The following NCKAP5L variants were observed in gnomAD, a reference collection of about 807,000 sequenced individuals.
The protein encoded by NCKAP5L is nck-associated protein 5-like.
Under a neutral mutation model 103.2 loss-of-function variants are expected in NCKAP5L, and 54 were observed. That is an observed-to-expected ratio of 0.52 (90% CI 0.42 to 0.66). NCKAP5L has a LOEUF of 0.66. Ranked by LOEUF, NCKAP5L falls within the 30% of genes least tolerant of loss-of-function variation. The probability of loss-of-function intolerance (pLI) is 0.00; values close to 1 mark genes in which losing one functional copy is unlikely to be tolerated. For synonymous variants in NCKAP5L, 762 were observed against 748.6 expected (o/e 1.02, Z -0.29); for missense variants, 1,733 against 1,750.6 (o/e 0.99, Z 0.18).
intron 1 of NCKAP5L, among the ~76,000 whole-genome samples, chr12:49,808,960 G>C (rs546232184): frequency 2.0e-5 from 3 of 152,280 alleles, no homozygotes; most frequent in Admixed American, 2.0e-4. Flanking sequence ...TGATTCTGAG[G>C]GAGGTGACCT....
intron 1 of NCKAP5L, among the ~76,000 whole-genome samples, chr12:49,823,887 T>C (rs951926428): frequency 3.3e-5 from 5 of 152,134 alleles, no homozygotes; most frequent in Admixed American, 6.5e-5. Flanking sequence ...TGGTGATGCA[T>C]GATTAATCCA....
In NCKAP5L at chr12:49,794,936, G is replaced by T; in HGVS notation, c.2924C>A (p.Ala975Glu). ...SLNISKLMAK[A>E]EDLRRALEEE... is the part of the protein sequence containing the mutation. ...TTCCAGTGCCCGACGCAGGTCTTCC[G>T]CCTTGGCCATCAGCTTGGAGATGTT... is the stretch of plus-strand genomic sequence containing the variant. Residue 975 changes from alanine to glutamate, a missense_variant, in exon 8 of 13, where the codon GCG (alanine) becomes GAG (glutamate). By Grantham distance (107) the Ala-to-Glu change is moderately radical. Transcript: ENST00000335999. 6.4e-7 allele frequency: 1 copy of T among 1,570,688 alleles called. No homozygotes were observed. Among genetic ancestry groups the T allele is most frequent in the Non-Finnish European group, 8.6e-7 (1 of 1,159,138 alleles).
intron 1 of NCKAP5L, among the ~76,000 whole-genome samples, chr12:49,813,494 CT>C (rs1946263503): frequency 6.6e-6 from 1 of 151,978 alleles, no homozygotes; most frequent in Non-Finnish European, 1.5e-5. Flanking sequence ...GGGATTGTGT[CT>C]TTTTATTATC....
At position 49,792,559 on chromosome 12, in the gene NCKAP5L, G is replaced by A. The variant is rs769291749; in HGVS notation, c.3679C>T (p.Pro1227Ser). Reference protein sequence around the residue: ...DPCEDPGPTPPVQLAKNWTFP... With the variant: ...DPCEDPGPTPSVQLAKNWTFP... ...GTCCAGTTCTTGGCCAGCTGGACAG[G>A]AGGGGTGGGGCCTGGGTCTTCACAG... The change falls in exon 12 of 13, where the codon CCT becomes TCT. Residue 1227 changes from proline to serine, a missense_variant. Pro to Ser is a moderately conservative substitution (Grantham distance 74). Coordinates refer to ENST00000335999, the MANE Select transcript of NCKAP5L (RefSeq NM_001037806.4). The surrounding 1 kb of genome is among the most constrained non-coding windows in gnomAD (Gnocchi z 4.5). The A allele has an allele frequency of 1.9e-6, 3 of 1,613,932 alleles. No homozygotes were observed. The highest frequency in any genetic ancestry group is 2.5e-6 in the Non-Finnish European group (3 of 1,179,866).
At chr12:49,807,887 A>T (rs12315844) in intron 1 of NCKAP5L, among the ~76,000 whole-genome samples, 8,717 of 152,192 alleles carry the variant, frequency 0.057, 509 homozygotes, top group African/African-American at 0.15. Context: ...AAAAGTTGGG[A>T]GGGTGAGGGA....
intron 1 of NCKAP5L, among the ~76,000 whole-genome samples, chr12:49,811,255 ACT>A (rs1262290332): frequency 1.3e-5 from 2 of 152,102 alleles, no homozygotes; most frequent in African/African-American, 4.8e-5. Context: ...GCTCAGCCCC[ACT>A]GTCAGTCCAG....
At chr12:49,798,595 C>T in intron 6 of NCKAP5L, 132 bp from the exon 7 acceptor site, 1 of 749,888 alleles carries the variant, frequency 1.3e-6, no homozygotes, top group South Asian at 1.6e-5. Flanking sequence ...CCAAATGCAG[C>T]TCTTGCTGCT....
intron 1 of NCKAP5L, among the ~76,000 whole-genome samples, chr12:49,827,134 A>G (rs1946426354): frequency 6.6e-6 from 1 of 152,176 alleles, no homozygotes; most frequent in African/African-American, 2.4e-5. Context: ...CAACAAGGCA[A>G]ATGGGCTATG....
intron 7 of NCKAP5L, 128 bp downstream of exon 7, chr12:49,798,221 CT>C: frequency 1.2e-5 from 10 of 850,630 alleles, no homozygotes; most frequent in Middle Eastern, 2.2e-4. Context: ...TGGGGATCTG[CT>C]TTTTTTGGCA....
At chr12:49,820,277 C>T (rs1946346286) in intron 1 of NCKAP5L, among the ~76,000 whole-genome samples, 1 of 151,110 alleles carries the variant, frequency 6.6e-6, no homozygotes, top group South Asian at 2.1e-4. Context: ...ACCCTTCCAG[C>T]TCCTAGTGCC....
chr12:49,792,629 C>A lies in NCKAP5L; in HGVS notation c.3650-41G>T, dbSNP rs759257533. On this transcript the variant is annotated intron_variant, in intron 11 of 12. Transcript: ENST00000335999. The surrounding 1 kb of genome is among the most constrained non-coding windows in gnomAD (Gnocchi z 4.5). ...GGGAAGGTGGATGGAGCTGCCTGGG[C>A]AGCTCCAGGATGCCCAGGGGCATCC... 5 of 1,613,522 alleles carry A rather than the reference C, an allele frequency of 3.1e-6. No homozygotes were observed. Among genetic ancestry groups the A allele is most frequent in the Non-Finnish European group, 8.5e-7 (1 of 1,179,654 alleles).
intron 1 of NCKAP5L, among the ~76,000 whole-genome samples, chr12:49,808,133 C>T (rs1384737460): frequency 6.6e-6 from 1 of 152,212 alleles, no homozygotes; most frequent in Non-Finnish European, 1.5e-5. Context: ...CATGGAGACC[C>T]CACACACTCC....
At position 49,792,098 on chromosome 12, in the gene NCKAP5L, G is replaced by A. The variant is rs776878683; in HGVS notation, c.3793-47C>T. On this transcript the variant is annotated intron_variant, in intron 12 of 12. Transcript: ENST00000335999. The surrounding 1 kb of genome is among the most constrained non-coding windows in gnomAD (Gnocchi z 4.5). ...GGGAGGAAGCTCCTCTCCACCTTTC[G>A]GCCCAGCCTCAGAGGCACTGAGCTC... is the stretch of plus-strand genomic sequence containing the variant. 1.9e-5 allele frequency: 28 copies of A among 1,449,980 alleles called. No individual in the cohort carries two copies. Among genetic ancestry groups the A allele is most frequent in the African/African-American group, 2.8e-5 (2 of 70,838 alleles). 89.8% of individuals were successfully genotyped at this position (1,449,980 alleles called of 1,614,324 possible).
At chr12:49,814,483 CAA>C (rs1048441446) in intron 1 of NCKAP5L, among the ~76,000 whole-genome samples, 17 of 78,448 alleles carry the variant, frequency 2.2e-4, no homozygotes, top group Admixed American at 2.7e-4. Context: ...GACACCGTCT[CAA>C]AAAAAAAAAA....
rs770540991 is a variant in NCKAP5L at position 49,796,360 on chromosome 12, C to T, written c.1500G>A (p.Leu500=). The T allele has an allele frequency of 2.7e-5, 43 of 1,573,030 alleles. No homozygotes were observed. Among genetic ancestry groups the T allele is most frequent in the Non-Finnish European group, 3.7e-5 (43 of 1,160,190 alleles). ...NSGSDGSPSP[L]LARRGLGGGE... is the part of the protein sequence containing the mutation. ...CTCCACCCAGACCCCTTCGGGCCAACAGTGGGGAGGGGCTGCCGTCTGAGC... is the reference window on the plus strand; with the variant it reads ...CTCCACCCAGACCCCTTCGGGCCAATAGTGGGGAGGGGCTGCCGTCTGAGC... The change falls in exon 8 of 13, where the codon CTG becomes CTA. Residue 500 remains leucine (L), a synonymous_variant. Coordinates refer to ENST00000335999, the MANE Select transcript of NCKAP5L (RefSeq NM_001037806.4).
chr12:49,792,710 G>A lies in NCKAP5L; in HGVS notation c.3617C>T (p.Pro1206Leu), dbSNP rs550998532. 78 of 1,611,274 alleles carry A rather than the reference G, an allele frequency of 4.8e-5. No homozygotes were observed. The Admixed American group carries it at 9.4e-4, about 19-fold the overall frequency. ...ACAGGTCTCATGGCCCCGGTGGCCC[G>A]GAGCAGCGGGTAGCAGTGCAGGGAA... ...PAFPALLPAAPGHRGHETCPD... is the reference protein window; with the variant it reads ...PAFPALLPAALGHRGHETCPD... Residue 1206 changes from proline (P) to leucine (L), a missense_variant, in exon 11 of 13, where the codon CCG becomes CTG. Coordinates refer to ENST00000335999, the MANE Select transcript of NCKAP5L (RefSeq NM_001037806.4). This position sits in a 1 kb window ranked among gnomAD's most constrained non-coding sequence, Gnocchi z 4.5.
chr12:49,798,117 A>G (rs1019522254), intron 7 of NCKAP5L, among the ~76,000 whole-genome samples: 1 of 152,194 alleles, frequency 6.6e-6, no homozygotes, highest in Admixed American at 6.5e-5. Flanking sequence ...GGTGTTCTAC[A>G]CAGTGCCTGG....
intron 6 of NCKAP5L, 35 bp from the exon 7 acceptor site, chr12:49,798,498 G>T: frequency 6.6e-7 from 1 of 1,512,498 alleles, no homozygotes; most frequent in Non-Finnish European, 9.0e-7. Context: ...CACAGTAGCT[G>T]TCTGACCCCA....
intron 1 of NCKAP5L, among the ~76,000 whole-genome samples, chr12:49,821,917 G>C (rs1288543286): frequency 1.3e-5 from 2 of 152,206 alleles, no homozygotes; most frequent in Non-Finnish European, 2.9e-5. Flanking sequence ...GCCAACTGGG[G>C]AACCCTGGGA....
Sources: gnomAD v4.1 joint callset for allele counts (sites outside exome capture counted in the v4.1 genomes callset) on GRCh38, gnomAD v4.1.1 for gene constraint, Gnocchi (gnomAD v3.1) non-coding constraint, MANE v1.5 for transcripts, NCBI Gene and HGNC (gene_info 2026-07-23, HGNC 2026-07-21) for gene names.